Variants in PSD4 observed in about 807,000 individuals in gnomAD.
PSD4 encodes pleckstrin and Sec7 domain containing 4.
PSD4 carries 59 observed loss-of-function variants against 112.5 expected under a neutral mutation model. That is an observed-to-expected ratio of 0.52 (90% confidence interval 0.43 to 0.65). The LOEUF (loss-of-function observed/expected upper bound fraction) is 0.65. Ranked by LOEUF, PSD4 falls within the 30% of genes least tolerant of loss-of-function variation. PSD4 has a pLI of 0.00. For synonymous variants in PSD4, 533 were observed against 540.0 expected (o/e 0.99, Z 0.18); for missense variants, 1,267 against 1,352.6 (o/e 0.94, Z 0.99).
At position 113,182,489 on chromosome 2, in the gene PSD4, C is replaced by T. The variant is rs758509252; in HGVS notation, c.33C>T (p.Pro11=). 1.1e-5 allele frequency: 17 copies of T among 1,613,858 alleles called. No homozygotes were observed. In the East Asian group the frequency reaches 2.5e-4, roughly 23 times the overall value. MMGDYRLPDH[P]QPMEILNLYL... is the part of the protein sequence containing the mutation. ...GTGACTACAGACTCCCTGACCACCC[C>T]CAGCCCATGGAAATTCTCAACCTGT... is the stretch of plus-strand genomic sequence containing the variant. Residue 11 remains proline (P), a synonymous_variant, in exon 2 of 17, where the codon CCC becomes CCT. Transcript: ENST00000245796.
rs774700582 is a variant in PSD4 at position 113,198,868 on chromosome 2, C to G, written c.2753C>G (p.Pro918Arg). ...RFVRPILPVG[P>R]AQSSLEEQHR... ...GTGCGGCCCATCCTGCCCGTGGGCCCCGCCCAGAGCTCCCTGGTACGGCCT... is the reference window on the plus strand; with the variant it reads ...GTGCGGCCCATCCTGCCCGTGGGCCGCGCCCAGAGCTCCCTGGTACGGCCT... The change falls in exon 15 of 17, where the codon CCC (proline) becomes CGC (arginine). Residue 918 changes from proline (P) to arginine (R), a missense_variant. Transcript: ENST00000245796. 5 of 1,591,980 alleles carry G rather than the reference C, an allele frequency of 3.1e-6. No homozygotes were observed. Among genetic ancestry groups the G allele is most frequent in the Non-Finnish European group, 4.3e-6 (5 of 1,176,056 alleles).
Position 113,182,455 on chromosome 2 carries a change from G to T in PSD4, c.-2G>T. 6.2e-7 allele frequency: 1 copy of T among 1,602,614 alleles called. No homozygotes were observed. Among genetic ancestry groups the T allele is most frequent in the Non-Finnish European group, 8.5e-7 (1 of 1,172,684 alleles). ...CACTCCTGGGCAGCTTTTGCTCAGT[G>T]GATGATGGGTGACTACAGACTCCCT... On this transcript the variant is annotated 5_prime_UTR_variant, in exon 2 of 17. Transcript: ENST00000245796.
chr2:113,199,943 A>G (rs1688727835), intron 16 of PSD4, among the ~76,000 whole-genome samples: 1 of 152,134 alleles, frequency 6.6e-6, no homozygotes, highest in African/African-American at 2.4e-5. Context: ...CTCCTGCCTC[A>G]GCCTCCCGAG....
At chr2:113,185,505 C>A in intron 4 of PSD4, 65 bp downstream of exon 4, 1 of 1,612,756 alleles carries the variant, frequency 6.2e-7, no homozygotes, top group South Asian at 1.1e-5. Context: ...GGAGTGGGGA[C>A]AAAGATCATT....
intron 5 of PSD4, among the ~76,000 whole-genome samples, chr2:113,188,774 G>T (rs1028220930): frequency 6.6e-6 from 1 of 152,022 alleles, no homozygotes; most frequent in Non-Finnish European, 1.5e-5. Context: ...TAGAGACGGG[G>T]TTTCCCCGTG....
In PSD4 at chr2:113,182,570, C is replaced by T. The variant is rs142699564; in HGVS notation, c.114C>T (p.Ser38=). 6.2e-7 allele frequency: 1 copy of T among 1,614,222 alleles called. No homozygotes were observed. Among genetic ancestry groups the T allele is most frequent in the African/African-American group, 1.3e-5 (1 of 75,058 alleles). ...HPGECPRETC[S]HEDPPEPFEE... ...GAGAGTGCCCAAGGGAAACGTGCAGCCATGAGGATCCACCGGAGCCTTTCG... is the reference window on the plus strand; with the variant it reads ...GAGAGTGCCCAAGGGAAACGTGCAGTCATGAGGATCCACCGGAGCCTTTCG... Residue 38 remains serine (S), a synonymous_variant, in exon 2 of 17, where the codon AGC becomes AGT. Coordinates refer to ENST00000245796, the MANE Select transcript of PSD4 (RefSeq NM_012455.3).
At chr2:113,176,304 G>A (rs1022953339) in intron 1 of PSD4, among the ~76,000 whole-genome samples, 1 of 152,222 alleles carries the variant, frequency 6.6e-6, no homozygotes, top group African/African-American at 2.4e-5. Flanking sequence ...GAAGCCGGGG[G>A]TGGGGCAGGT....
chr2:113,181,968 G>T (rs1429295866), intron 1 of PSD4, among the ~76,000 whole-genome samples: 1 of 152,194 alleles, frequency 6.6e-6, no homozygotes, highest in Non-Finnish European at 1.5e-5. Context: ...GCTTGCAGCT[G>T]CTTCCTTGAT....
In PSD4 at chr2:113,199,166, G is replaced by A; in HGVS notation, c.2853G>A (p.Arg951=). 5 of 1,525,620 alleles carry A rather than the reference G, an allele frequency of 3.3e-6. No individual in the cohort carries two copies. In the South Asian group the frequency reaches 6.1e-5, roughly 18 times the overall value. The allele number at this position is 1,525,620 out of a possible 1,614,324, so 94.5% of individuals were successfully genotyped here. A position where few individuals can be genotyped will look rare whatever the true frequency, so the allele number is the denominator to read the frequency against. The change falls in exon 16 of 17, where the codon CGG becomes CGA. Residue 951 remains arginine (R), a synonymous_variant. Transcript: ENST00000245796. ...LLDLQRNLPE[R]RGRGRELEEH... is the part of the protein sequence containing the mutation. ...ATCTACAGAGGAACCTGCCGGAGCG[G>A]CGGGGCCGTGGCCGCGAGCTGGAGG...
intron 1 of PSD4, among the ~76,000 whole-genome samples, chr2:113,178,483 G>A (rs900548991): frequency 1.3e-4 from 19 of 151,254 alleles, no homozygotes; most frequent in African/African-American, 4.6e-4. Context: ...GGGAAGGCAA[G>A]TCCAATCCTC....
chr2:113,194,076 T>C, intron 10 of PSD4, 128 bp downstream of exon 10: 4 of 825,122 alleles, frequency 4.8e-6, no homozygotes, highest in South Asian at 3.6e-5. Flanking sequence ...GACTTGTTTA[T>C]TGAAGGGCTA....
intron 16 of PSD4, among the ~76,000 whole-genome samples, chr2:113,200,344 A>T (rs1424619903): frequency 6.6e-6 from 1 of 152,158 alleles, no homozygotes; most frequent in Non-Finnish European, 1.5e-5. Context: ...GTGAAAATAG[A>T]GGGAATCAGA....
chr2:113,184,825 C>A, intron 2 of PSD4, 132 bp from the exon 3 acceptor site: 1 of 1,347,990 alleles, frequency 7.4e-7, no homozygotes, highest in Non-Finnish European at 1.0e-6. Flanking sequence ...GCTGGCACCA[C>A]CTGAGGCAGG....
In PSD4 at chr2:113,193,668, G is replaced by T. The variant is rs749006682; in HGVS notation, c.2091+18G>T. ...ATGGACAGGTAAGACGGTGGAGAGAGTCCCTGTGGGAACTGAGGCTGTAAC... is the reference window on the plus strand; with the variant it reads ...ATGGACAGGTAAGACGGTGGAGAGATTCCCTGTGGGAACTGAGGCTGTAAC... On this transcript the variant is annotated intron_variant, in intron 9 of 16. Coordinates refer to ENST00000245796, the MANE Select transcript of PSD4 (RefSeq NM_012455.3). The T allele has an allele frequency of 6.2e-7, 1 of 1,609,406 alleles. No homozygotes were observed. Among genetic ancestry groups the T allele is most frequent in the South Asian group, 1.1e-5 (1 of 90,988 alleles).
chr2:113,198,624 G>A, intron 14 of PSD4, 116 bp from the exon 15 acceptor site: 1 of 1,260,302 alleles, frequency 7.9e-7, no homozygotes. Context: ...CTGTAACTAT[G>A]GGAGGCTGAG....
At chr2:113,190,368 TG>T (rs953585721) in intron 5 of PSD4, among the ~76,000 whole-genome samples, 2 of 152,242 alleles carry the variant, frequency 1.3e-5, no homozygotes, top group African/African-American at 4.8e-5. Context: ...GAAGATCAGT[TG>T]GCTGTAAATT....
chr2:113,183,468 G>A lies in PSD4; in HGVS notation c.1012G>A (p.Ala338Thr), dbSNP rs142771344. The part of the protein sequence containing the change: ...HSICWASVAA[A>T]EGAPAAPPGH... ...CATCTGCTGGGCCTCAGTGGCTGCC[G>A]CTGAGGGGGCTCCTGCAGCACCTCC... is the stretch of plus-strand genomic sequence containing the variant. Residue 338 changes from alanine (A) to threonine (T), a missense_variant, in exon 2 of 17, where the codon GCT becomes ACT. Ala to Thr is a moderately conservative substitution (Grantham distance 58, BLOSUM62 0). Transcript: ENST00000245796. 322 of 1,590,326 alleles carry A rather than the reference G, an allele frequency of 2.0e-4. 2 individuals are homozygous for A. In the Middle Eastern group the frequency reaches 8.8e-3, roughly 43 times the overall value.
At chr2:113,188,612 A>G (rs1169992568) in intron 5 of PSD4, among the ~76,000 whole-genome samples, 1 of 148,082 alleles carries the variant, frequency 6.8e-6, no homozygotes, top group Non-Finnish European at 1.5e-5. Flanking sequence ...ATGGAGTCTC[A>G]CTCTGTGGCC....
In PSD4 at chr2:113,182,899, G is replaced by A. The variant is rs140338710; in HGVS notation, c.443G>A (p.Arg148Gln). The A allele has an allele frequency of 8.1e-5, 130 of 1,614,216 alleles. No individual in the cohort carries two copies. The highest frequency in any genetic ancestry group is 5.5e-4 in the African/African-American group (41 of 75,050). The change falls in exon 2 of 17, where the codon CGG (arginine) becomes CAG (glutamine). Residue 148 changes from arginine to glutamine, a missense_variant. Arg to Gln is a conservative substitution (Grantham distance 43). Coordinates refer to ENST00000245796, the MANE Select transcript of PSD4 (RefSeq NM_012455.3). Reference sequence around the variant, plus strand: ...CTACCGGGGAGCCCAAAGCAGAACCGGAGCACGTCCACACAGGTAGTGTTC... The same window carrying A: ...CTACCGGGGAGCCCAAAGCAGAACCAGAGCACGTCCACACAGGTAGTGTTC... Reference protein sequence around the residue: ...SHLPGSPKQNRSTSTQVVFWA... With the variant: ...SHLPGSPKQNQSTSTQVVFWA...
Sources: gnomAD v4.1 joint callset for allele counts (sites outside exome capture counted in the v4.1 genomes callset) on GRCh38, gnomAD v4.1.1 for gene constraint, MANE v1.5 for transcripts, NCBI Gene and HGNC (gene_info 2026-07-23, HGNC 2026-07-21) for gene names.